Variants in TSGA10 observed in about 807,000 individuals in gnomAD.
TSGA10 encodes testis-specific gene 10 protein.
In TSGA10, 43 loss-of-function variants were observed where a neutral mutation model predicts 96.6. The observed-to-expected ratio is 0.44, with a 90% confidence interval of 0.35 to 0.57. The LOEUF (loss-of-function observed/expected upper bound fraction) is 0.57, where lower values mean the gene tolerates loss of function less well. TSGA10 is among the 20% of genes least tolerant of loss of function. TSGA10 has a pLI of 0.01. For synonymous variants in TSGA10, 229 were observed against 269.9 expected (o/e 0.85, Z 1.48); for missense variants, 703 against 834.4 (o/e 0.84, Z 1.94).
chr2:98,998,044 G>T lies in TSGA10; in HGVS notation c.*153C>A. ...AAGTCATCTCAGATCACTGCAACAT[G>T]GCACATTAGAACAGAGATTCAGAGA... On this transcript the variant is annotated 3_prime_UTR_variant, in exon 21 of 21. Transcript: ENST00000393483. 1.4e-6 allele frequency: 1 copy of T among 693,066 alleles called. No homozygotes were observed. The highest frequency in any genetic ancestry group is 2.4e-6 in the Non-Finnish European group (1 of 417,396). The allele number at this position is 693,066 out of a possible 1,614,324, so 42.9% of individuals were successfully genotyped here. A position where few individuals can be genotyped will look rare whatever the true frequency, so the allele number is the denominator to read the frequency against.
intron 13 of TSGA10, 30 bp downstream of exon 13, chr2:99,072,988 G>C: frequency 1.9e-6 from 3 of 1,549,308 alleles, no homozygotes; most frequent in Non-Finnish European, 2.7e-6. Context: ...CCCAGTAAGA[G>C]CTCATATATT....
rs148932297 is a variant in TSGA10, at chr2:99,075,598, C to T, written c.883-2525G>A. Among the ~76,000 whole-genome samples, 631 of 152,256 alleles carry T rather than the reference C, an allele frequency of 4.1e-3. 5 individuals carry two copies. The highest frequency in any genetic ancestry group is 0.014 in the African/African-American group (599 of 41,558). On this transcript the variant is annotated intron_variant, in intron 12 of 20. Transcript: ENST00000393483. ...CACTGAGTAGCCTTTGTTAGTTCAG[C>T]TCTGAGGTATCATTATAGAGAACAT...
intron 20 of TSGA10, among the ~76,000 whole-genome samples, chr2:99,003,987 CA>C (rs1228451610): frequency 6.6e-6 from 1 of 152,160 alleles, no homozygotes; most frequent in East Asian, 1.9e-4. Flanking sequence ...AAAAACCCTT[CA>C]AAAAATCAAT....
intron 16 of TSGA10, among the ~76,000 whole-genome samples, chr2:99,043,943 G>C (rs983998192): frequency 2.0e-5 from 3 of 152,134 alleles, no homozygotes; most frequent in Non-Finnish European, 2.9e-5. Context: ...CTTCATAAGA[G>C]AAGGAGAAAT....
Position 99,026,554 on chromosome 2 carries a change from C to T in TSGA10, c.1615-6072G>A, listed in dbSNP as rs540105408. Among the ~76,000 whole-genome samples, 11 of 151,768 alleles carry T rather than the reference C, an allele frequency of 7.2e-5. No individual in the cohort carries two copies. In the East Asian group the frequency reaches 7.8e-4, roughly 11 times the overall value. On this transcript the variant is annotated intron_variant, in intron 17 of 20. Transcript: ENST00000393483. ...CCTGCCTCAGCCTCCCAAGTAGCTGCGACTACAAGCACCTGCCACCACGCC... is the reference window on the plus strand; with the variant it reads ...CCTGCCTCAGCCTCCCAAGTAGCTGTGACTACAAGCACCTGCCACCACGCC...
At chr2:99,138,527 T>C (rs1258350842) in intron 1 of TSGA10, among the ~76,000 whole-genome samples, 1 of 152,134 alleles carries the variant, frequency 6.6e-6, no homozygotes. Flanking sequence ...GCAGTTTCAA[T>C]GGTGGGTGAA....
chr2:99,126,329 CTT>C (rs1418263031), intron 2 of TSGA10: 1 of 152,212 alleles, frequency 6.6e-6, no homozygotes, highest in Non-Finnish European at 1.5e-5. Context: ...TTTCTTCGGT[CTT>C]TCTTTTGTGC....
chr2:99,106,046 G>T (rs2091305519), intron 7 of TSGA10, among the ~76,000 whole-genome samples: 2 of 152,118 alleles, frequency 1.3e-5, no homozygotes, highest in African/African-American at 4.8e-5. Context: ...CCGGTTTAAT[G>T]AATATTATCA....
intron 1 of TSGA10, chr2:99,147,081 C>T (rs2093639847): frequency 5.7e-6 from 1 of 176,058 alleles, no homozygotes; most frequent in African/African-American, 2.4e-5. Context: ...AGTTACAGCT[C>T]TGTCATATTC....
In TSGA10 at chr2:99,118,450, CAAAAAAA is replaced by C. The variant is rs34057808; in HGVS notation, c.-356+94_-356+100del. 1.9e-5 allele frequency: 5 copies of C among 263,432 alleles called. No homozygotes were observed. The East Asian group carries it at 8.9e-4, about 47-fold the overall frequency. 16.3% of individuals were successfully genotyped at this position (263,432 alleles called of 1,614,324 possible). A position where few individuals can be genotyped will look rare whatever the true frequency, so the allele number is the denominator to read the frequency against. Reference sequence around the variant, plus strand: ...TTGGTGACACAGCAAGACTCTATCTCAAAAAAAAAAAAAAAAAAGTATATATACATAT... The same window carrying C: ...TTGGTGACACAGCAAGACTCTATCTCAAAAAAAAAAAGTATATATACATAT... On this transcript the variant is annotated intron_variant, in intron 3 of 20. Coordinates refer to ENST00000393483, the MANE Select transcript of TSGA10 (RefSeq NM_025244.4).
intron 10 of TSGA10, chr2:99,102,497 A>T: frequency 3.1e-6 from 5 of 1,614,098 alleles, no homozygotes; most frequent in African/African-American, 1.3e-5. Context: ...CCATTCAGAA[A>T]TGTGACCCGG....
At chr2:99,144,624 G>T (rs1039611690) in intron 1 of TSGA10, among the ~76,000 whole-genome samples, 1 of 83,642 alleles carries the variant, frequency 1.2e-5, no homozygotes, top group African/African-American at 3.8e-5. Context: ...CCTCCAGCCT[G>T]GGGGACAAGA....
intron 2 of TSGA10, chr2:99,125,441 A>C (rs544585538): frequency 1.8e-4 from 28 of 152,162 alleles, no homozygotes; most frequent in Admixed American, 9.8e-4. Flanking sequence ...ACTTTTCTTC[A>C]TTCGTTTCCA....
chr2:99,002,060 C>T (rs1302878399), intron 20 of TSGA10, among the ~76,000 whole-genome samples: 2 of 152,198 alleles, frequency 1.3e-5, no homozygotes, highest in Non-Finnish European at 2.9e-5. Flanking sequence ...GGAAAACACT[C>T]TGCGGGATAT....
At chr2:99,097,412 G>T (rs1159773781) in intron 10 of TSGA10, among the ~76,000 whole-genome samples, 1 of 152,058 alleles carries the variant, frequency 6.6e-6, no homozygotes, top group Non-Finnish European at 1.5e-5. Context: ...AACAGTAAGT[G>T]TTTTATTCAG....
In TSGA10 at chr2:99,104,120, T is replaced by C; in HGVS notation, c.460-2A>G. On this transcript the variant is annotated splice_acceptor_variant, in intron 9 of 20. Transcript: ENST00000393483. LOFTEE classifies it high-confidence loss of function. The stretch of plus-strand genomic sequence containing the variant: ...TTGCTCCATACGTTCATCATCAAGC[T>C]ATACAAGTAGAATGACAAGGTTACT... The C allele has an allele frequency of 6.2e-7, 1 of 1,613,374 alleles. No homozygotes were observed. The highest frequency in any genetic ancestry group is 8.5e-7 in the Non-Finnish European group (1 of 1,179,810).
At chr2:99,039,842 C>A (rs1042186302) in intron 16 of TSGA10, among the ~76,000 whole-genome samples, 1 of 152,034 alleles carries the variant, frequency 6.6e-6, no homozygotes, top group African/African-American at 2.4e-5. Context: ...GACCAATATC[C>A]CTGATGAACA....
At chr2:99,084,631 T>A (rs1011323369) in intron 10 of TSGA10, among the ~76,000 whole-genome samples, 1 of 152,268 alleles carries the variant, frequency 6.6e-6, no homozygotes. Context: ...TATTTCTTTA[T>A]GGCAACACAA....
intron 4 of TSGA10, 23 bp from the exon 5 acceptor site, chr2:99,110,938 A>T (rs2091752190): frequency 1.4e-6 from 1 of 693,730 alleles, no homozygotes; most frequent in South Asian, 6.6e-5. Flanking sequence ...TAAAAAAAAA[A>T]AAAATTATTT....
Sources: allele counts gnomAD v4.1 joint callset (sites outside exome capture counted in the v4.1 genomes callset), GRCh38; gene constraint gnomAD v4.1.1; transcripts MANE v1.5; gene names NCBI Gene and HGNC (gene_info 2026-07-23, HGNC 2026-07-21).